Variants in NLGN1 observed in about 807,000 individuals in gnomAD.
NLGN1 encodes neuroligin-1.
A neutral mutation model predicts 65.5 loss-of-function variants in NLGN1; 12 were observed. That is an observed-to-expected ratio of 0.18 (90% CI 0.12 to 0.30). The LOEUF (loss-of-function observed/expected upper bound fraction) is 0.30. NLGN1 is among the 10% of genes least tolerant of loss of function. The probability of loss-of-function intolerance (pLI) is 1.00; values close to 1 mark genes in which losing one functional copy is unlikely to be tolerated. For synonymous variants in NLGN1, 350 were observed against 359.5 expected, an observed-to-expected ratio of 0.97 and a Z score of 0.30; for missense variants, 750 against 1,007.1, an observed-to-expected ratio of 0.74 and a Z score of 3.46.
intron 4 of NLGN1, among the ~76,000 whole-genome samples, chr3:174,069,923 A>C (rs1002186383): frequency 2.0e-5 from 3 of 152,242 alleles, no homozygotes; most frequent in African/African-American, 7.2e-5. Flanking sequence ...ACTAAATCTC[A>C]GTAACCACAT....
intron 4 of NLGN1, among the ~76,000 whole-genome samples, chr3:173,829,409 A>T (rs554242724): frequency 4.5e-4 from 69 of 152,278 alleles, no homozygotes; most frequent in African/African-American, 1.6e-3. Context: ...CCTTTAAAAT[A>T]TTTAATTGAT....
At chr3:173,589,007 T>C (rs1665642655) in intron 2 of NLGN1, among the ~76,000 whole-genome samples, 1 of 152,204 alleles carries the variant, frequency 6.6e-6, no homozygotes, top group Non-Finnish European at 1.5e-5. Context: ...AAATTCATTT[T>C]GGAACAAATG....
chr3:173,860,838 G>C (rs548636018), intron 4 of NLGN1, among the ~76,000 whole-genome samples: 1 of 152,218 alleles, frequency 6.6e-6, no homozygotes, highest in East Asian at 1.9e-4. Flanking sequence ...GTCAAAATAT[G>C]AAGGGGGGGT....
At chr3:173,815,510 T>G (rs1718859101) in intron 4 of NLGN1, among the ~76,000 whole-genome samples, 1 of 152,166 alleles carries the variant, frequency 6.6e-6, no homozygotes, top group Non-Finnish European at 1.5e-5. Context: ...GTATGATCAC[T>G]TCCTAGCACA....
intron 2 of NLGN1, among the ~76,000 whole-genome samples, chr3:173,596,052 C>G (rs1749431372): frequency 6.6e-6 from 1 of 152,134 alleles, no homozygotes; most frequent in South Asian, 2.1e-4. Flanking sequence ...AGTTTGCTAC[C>G]AGGTATAACG....
chr3:173,652,396 T>G (rs997675754), intron 3 of NLGN1, among the ~76,000 whole-genome samples: 1 of 152,218 alleles, frequency 6.6e-6, no homozygotes, highest in Non-Finnish European at 1.5e-5. Context: ...TTTGATAGTT[T>G]CGGGTCTTAC....
chr3:174,213,334 A>G (rs1737039872), intron 4 of NLGN1, among the ~76,000 whole-genome samples: 1 of 152,216 alleles, frequency 6.6e-6, no homozygotes, highest in South Asian at 2.1e-4. Context: ...CTGAAAATTA[A>G]AAATAGGACT....
At chr3:173,792,562 C>A (rs1713035022) in intron 3 of NLGN1, among the ~76,000 whole-genome samples, 1 of 151,946 alleles carries the variant, frequency 6.6e-6, no homozygotes, top group Admixed American at 6.6e-5. Context: ...TTTAAGGAAT[C>A]AAACATATGG....
At chr3:173,524,462 C>G (rs374622878) in intron 2 of NLGN1, among the ~76,000 whole-genome samples, 3 of 152,208 alleles carry the variant, frequency 2.0e-5, no homozygotes, top group South Asian at 2.1e-4. Flanking sequence ...AGGAGTTTTG[C>G]GGACGAATCT....
At chr3:173,701,422 C>G (rs1393088717) in intron 3 of NLGN1, among the ~76,000 whole-genome samples, 1 of 151,978 alleles carries the variant, frequency 6.6e-6, no homozygotes, top group African/African-American at 2.4e-5. Flanking sequence ...AATGAGGCCA[C>G]AAGCCAAGGC....
chr3:173,946,674 G>A (rs1226525900), intron 4 of NLGN1, among the ~76,000 whole-genome samples: 1 of 152,130 alleles, frequency 6.6e-6, no homozygotes, highest in African/African-American at 2.4e-5. Flanking sequence ...CCTACCGAAA[G>A]ATTAACTCAT....
chr3:173,522,262 A>G (rs1216213451), intron 2 of NLGN1, among the ~76,000 whole-genome samples: 1 of 152,198 alleles, frequency 6.6e-6, no homozygotes, highest in Non-Finnish European at 1.5e-5. Context: ...GGCCCCGTTC[A>G]TGTCACTGCA....
intron 3 of NLGN1, among the ~76,000 whole-genome samples, chr3:173,649,636 T>C (rs928033470): frequency 6.6e-6 from 1 of 152,100 alleles, no homozygotes; most frequent in African/African-American, 2.4e-5. Context: ...AAAGTTAAAA[T>C]AGGTACTTAT....
chr3:174,122,463 A>G (rs1292634744), intron 4 of NLGN1, among the ~76,000 whole-genome samples: 2 of 152,172 alleles, frequency 1.3e-5, no homozygotes, highest in African/African-American at 4.8e-5. Flanking sequence ...GTCCTCTGCT[A>G]GCTGAAAATC....
rs1032066682 is a variant in NLGN1 at position 173,432,964 on chromosome 3, A to G, written c.-389-2046A>G. The stretch of plus-strand genomic sequence containing the variant: ...AGAGTTAGGAAATATATATTCATCC[A>G]ATTTATATCTCTTTATATTTCTCTA... On this transcript the variant is annotated intron_variant, in intron 1 of 6. Coordinates refer to ENST00000457714, the Ensembl canonical transcript of NLGN1. Among the ~76,000 whole-genome samples, 7 of 152,178 alleles carry G rather than the reference A, an allele frequency of 4.6e-5. No homozygotes were observed. The South Asian group carries it at 1.2e-3, about 27-fold the overall frequency.
intron 2 of NLGN1, among the ~76,000 whole-genome samples, chr3:173,598,983 G>A (rs1354506936): frequency 6.6e-6 from 1 of 152,130 alleles, no homozygotes; most frequent in East Asian, 1.9e-4. Flanking sequence ...AGGGTGAGCA[G>A]CACAGTATCT....
chr3:173,617,148 G>A (rs894439864), intron 3 of NLGN1, among the ~76,000 whole-genome samples: 5 of 151,954 alleles, frequency 3.3e-5, no homozygotes, highest in Admixed American at 6.6e-5. Context: ...TTCAAGTTTT[G>A]GAAAAATGCC....
intron 3 of NLGN1, among the ~76,000 whole-genome samples, chr3:173,740,411 A>G (rs930822624): frequency 1.3e-5 from 2 of 152,136 alleles, no homozygotes; most frequent in African/African-American, 4.8e-5. Flanking sequence ...AGAATGGACC[A>G]TATTTTGCAC....
chr3:174,001,251 G>A (rs969221977), intron 4 of NLGN1, among the ~76,000 whole-genome samples: 6 of 151,956 alleles, frequency 3.9e-5, no homozygotes, highest in Admixed American at 6.6e-5. Flanking sequence ...TGTTGGGCTT[G>A]CAAGACAGAC....
Sources: allele counts gnomAD v4.1 joint callset (sites outside exome capture counted in the v4.1 genomes callset), GRCh38; gene constraint gnomAD v4.1.1; transcripts MANE v1.5; gene names NCBI Gene and HGNC (gene_info 2026-07-23, HGNC 2026-07-21).